Variants in ARHGAP25 observed in about 807,000 individuals in gnomAD.
ARHGAP25 encodes rho GTPase-activating protein 25.
In ARHGAP25, 34 loss-of-function variants were observed where a neutral mutation model predicts 71.0. The ratio of observed to expected loss-of-function variants is 0.48; its 90% CI spans 0.36 to 0.64. The LOEUF (loss-of-function observed/expected upper bound fraction) is 0.64, where lower values mean the gene tolerates loss of function less well. Among genes scored for constraint, ARHGAP25 ranks in the 30% least tolerant of loss-of-function variants. The pLI, the probability that ARHGAP25 is intolerant of heterozygous loss-of-function variation, is 0.00. For synonymous variants in ARHGAP25, 282 were observed against 296.5 expected, an observed-to-expected ratio of 0.95 and a Z score of 0.50; for missense variants, 706 against 805.1, an observed-to-expected ratio of 0.88 and a Z score of 1.49.
At chr2:68,772,738 C>T (rs1414965738) in intron 1 of ARHGAP25, among the ~76,000 whole-genome samples, 1 of 152,152 alleles carries the variant, frequency 6.6e-6, no homozygotes, top group East Asian at 1.9e-4. Flanking sequence ...ATTTCCACAG[C>T]CTTAGAGCAA....
At chr2:68,760,489 C>G (rs1676736462) in intron 1 of ARHGAP25, among the ~76,000 whole-genome samples, 1 of 151,960 alleles carries the variant, frequency 6.6e-6, no homozygotes, top group African/African-American at 2.4e-5. Context: ...AGCAAAGTAG[C>G]AGGATACAAA....
At chr2:68,768,661 T>C (rs1302096870) in intron 1 of ARHGAP25, among the ~76,000 whole-genome samples, 1 of 152,236 alleles carries the variant, frequency 6.6e-6, no homozygotes, top group Non-Finnish European at 1.5e-5. Context: ...ATAACTTTTC[T>C]GGTCTGAGAT....
intron 1 of ARHGAP25, among the ~76,000 whole-genome samples, chr2:68,761,501 T>A (rs947644613): frequency 4.0e-5 from 6 of 150,998 alleles, no homozygotes; most frequent in Non-Finnish European, 8.9e-5. Flanking sequence ...GGGATTAATA[T>A]CCAGAATGTA....
chr2:68,819,857 T>G (rs1438028944), intron 9 of ARHGAP25: 5 of 210,912 alleles, frequency 2.4e-5, no homozygotes, highest in Admixed American at 1.1e-4. Flanking sequence ...AAAGCTCTGC[T>G]GACTCTGAAA....
chr2:68,713,345 A>G (rs1007908280), intron 2 of ARHGAP25, among the ~76,000 whole-genome samples: 2 of 152,336 alleles, frequency 1.3e-5, no homozygotes, highest in African/African-American at 4.8e-5. Flanking sequence ...ATTTTTGCAC[A>G]TTGATTTTAT....
At chr2:68,805,648 G>A (rs909712099) in intron 4 of ARHGAP25, among the ~76,000 whole-genome samples, 3 of 152,104 alleles carry the variant, frequency 2.0e-5, no homozygotes, top group South Asian at 2.1e-4. Flanking sequence ...AGACTGTAGC[G>A]GTTACAGGTG....
At chr2:68,825,858 C>T (rs903382573) in intron 10 of ARHGAP25, 129 bp from the exon 11 acceptor site, 31 of 718,634 alleles carry the variant, frequency 4.3e-5, no homozygotes, top group Non-Finnish European at 3.6e-5. Context: ...GGAAGAGGGA[C>T]ATAGCTGAGA....
chr2:68,792,928 G>A (rs546894467), intron 4 of ARHGAP25, among the ~76,000 whole-genome samples: 4 of 151,954 alleles, frequency 2.6e-5, no homozygotes, highest in Admixed American at 2.6e-4. Flanking sequence ...CATCTTGACC[G>A]ACATCTGTTA....
intron 1 of ARHGAP25, among the ~76,000 whole-genome samples, chr2:68,745,758 A>C (rs1345752572): frequency 6.6e-6 from 1 of 152,244 alleles, no homozygotes; most frequent in Non-Finnish European, 1.5e-5. Context: ...TTTATACAGA[A>C]CAGACATTTA....
intron 2 of ARHGAP25, among the ~76,000 whole-genome samples, chr2:68,717,944 C>G (rs1674657451): frequency 6.6e-6 from 1 of 151,990 alleles, no homozygotes; most frequent in Non-Finnish European, 1.5e-5. Context: ...TTTAAGTAAC[C>G]CACTTTATCA....
chr2:68,805,900 G>A (rs368313896), intron 4 of ARHGAP25, among the ~76,000 whole-genome samples: 166 of 152,320 alleles, frequency 1.1e-3, no homozygotes, highest in African/African-American at 3.8e-3. Flanking sequence ...CGCAGGACAG[G>A]ACAGAAGCCA....
chr2:68,730,506 C>T (rs113635626), upstream of ARHGAP25, among the ~76,000 whole-genome samples: 1 of 151,826 alleles, frequency 6.6e-6, no homozygotes, highest in Non-Finnish European at 1.5e-5. Flanking sequence ...AAAAATTAGC[C>T]GGGCATGGTA....
intron 1 of ARHGAP25, chr2:68,757,862 C>G (rs1360164856): frequency 6.6e-6 from 1 of 152,034 alleles, no homozygotes. Flanking sequence ...GCATTATTGT[C>G]AGTCTGGTTT....
intron 4 of ARHGAP25, among the ~76,000 whole-genome samples, chr2:68,796,901 T>G (rs1334145037): frequency 6.6e-6 from 1 of 152,202 alleles, no homozygotes; most frequent in South Asian, 2.1e-4. Context: ...CATGAAATGT[T>G]CTTCTAGTTC....
intron 1 of ARHGAP25, among the ~76,000 whole-genome samples, chr2:68,743,161 C>A (rs1675606848): frequency 6.6e-6 from 1 of 152,156 alleles, no homozygotes; most frequent in African/African-American, 2.4e-5. Flanking sequence ...AAGAGTGACT[C>A]TGGGTTGTTT....
intron 9 of ARHGAP25, among the ~76,000 whole-genome samples, chr2:68,821,906 G>GTTTT (rs59964574): frequency 1.6e-4 from 13 of 81,632 alleles, no homozygotes; most frequent in African/African-American, 2.1e-4. Flanking sequence ...CTTTTTGCTA[G>GTTTT]TTTTTTTTTT....
chr2:68,807,446 G>T lies in ARHGAP25; in HGVS notation c.640G>T (p.Ala214Ser), dbSNP rs769047657. ...QDNLVKQLRD[A>S]FDAGERPSFD... Reference sequence around the variant, plus strand: ...CAACCTGGTGAAGCAGCTGAGAGACGCTTTTGATGCTGGGGAGCGGCCCTC... The same window carrying T: ...CAACCTGGTGAAGCAGCTGAGAGACTCTTTTGATGCTGGGGAGCGGCCCTC... Residue 214 changes from alanine (A) to serine (S), a missense_variant, in exon 5 of 11, where the codon GCT becomes TCT. Physicochemically the swap from Ala to Ser is moderately conservative, Grantham distance 99. Transcript: ENST00000409202. 3.2e-5 allele frequency: 52 copies of T among 1,614,236 alleles called. No homozygotes were observed. The highest frequency in any genetic ancestry group is 4.3e-5 in the Non-Finnish European group (51 of 1,180,042).
At chr2:68,753,744 A>G (rs1676318533) in intron 1 of ARHGAP25, among the ~76,000 whole-genome samples, 1 of 152,152 alleles carries the variant, frequency 6.6e-6, no homozygotes, top group Non-Finnish European at 1.5e-5. Flanking sequence ...AGAATAGTAA[A>G]TATCACTTAA....
At chr2:68,824,261 G>C (rs978417210) in intron 10 of ARHGAP25, among the ~76,000 whole-genome samples, 3 of 106,242 alleles carry the variant, frequency 2.8e-5, no homozygotes, top group African/African-American at 1.1e-4. Context: ...GGCTGCCACA[G>C]ATGTGTCAGA....
Sources: allele counts gnomAD v4.1 joint callset (sites outside exome capture counted in the v4.1 genomes callset), GRCh38; gene constraint gnomAD v4.1.1; transcripts MANE v1.5; gene names NCBI Gene and HGNC (gene_info 2026-07-23, HGNC 2026-07-21).